The following TLK1 variants were observed in gnomAD, a reference collection of about 807,000 sequenced individuals.
TLK1 encodes serine/threonine-protein kinase tousled-like 1.
Under a neutral mutation model 105.3 loss-of-function variants are expected in TLK1, and 24 were observed. That is an observed-to-expected ratio of 0.23 (90% CI 0.17 to 0.32). The LOEUF (loss-of-function observed/expected upper bound fraction) is 0.32, where lower values mean the gene tolerates loss of function less well. Among genes scored for constraint, TLK1 ranks in the 10% least tolerant of loss-of-function variants. The pLI is 1.00. For missense variants in TLK1, 558 were observed against 910.5 expected (o/e 0.61, Z 4.98); for synonymous variants, 321 against 310.4 (o/e 1.03, Z -0.36).
chr2:171,052,732 A>C (rs1687301912), intron 8 of TLK1, among the ~76,000 whole-genome samples: 2 of 152,236 alleles, frequency 1.3e-5, no homozygotes, highest in African/African-American at 2.4e-5. Context: ...CAAAATTTAA[A>C]ATAGTGGTTA....
Position 171,160,208 on chromosome 2 carries a change from C to A in TLK1, c.139+82G>T, listed in dbSNP as rs941680329. 3.8e-4 allele frequency: 424 copies of A among 1,123,956 alleles called. 8 individuals are homozygous for A. The Middle Eastern group carries it at 5.0e-3, about 13-fold the overall frequency. 69.6% of individuals were successfully genotyped at this position (1,123,956 alleles called of 1,614,324 possible). ...AGGGTCTGGCGGAGAAGCCCCGGGGCGGGGGGGGCGGGGGGGGGGCGCGGG... is the reference window on the plus strand; with the variant it reads ...AGGGTCTGGCGGAGAAGCCCCGGGGAGGGGGGGGCGGGGGGGGGGCGCGGG... On this transcript the variant is annotated intron_variant, in intron 1 of 20. Coordinates refer to ENST00000431350, the MANE Select transcript of TLK1 (RefSeq NM_012290.5). This position sits in a 1 kb window ranked among gnomAD's most constrained non-coding sequence, Gnocchi z 4.4.
chr2:171,150,112 A>T (rs1405192874), intron 1 of TLK1, among the ~76,000 whole-genome samples: 1 of 152,210 alleles, frequency 6.6e-6, no homozygotes, highest in Admixed American at 6.5e-5. Flanking sequence ...AGCCCAGTAC[A>T]GTATTTCTAA....
chr2:171,130,941 A>G (rs1165679047), intron 1 of TLK1, among the ~76,000 whole-genome samples: 1 of 152,188 alleles, frequency 6.6e-6, no homozygotes, highest in Non-Finnish European at 1.5e-5. Flanking sequence ...GGTCCTCTAG[A>G]AAGACATATT....
At chr2:171,177,322 T>G (rs1692848587) in intron 1 of TLK1, among the ~76,000 whole-genome samples, 1 of 151,784 alleles carries the variant, frequency 6.6e-6, no homozygotes, top group Admixed American at 6.6e-5. Flanking sequence ...TTAAATTTTT[T>G]GTAGAGATGG....
chr2:171,160,115 G>A lies in TLK1; in HGVS notation c.139+175C>T, dbSNP rs1692404518. ...ACCCGCGAACCACCATCCACAGCCA[G>A]GGCACTACCTCCCCAGAGCCGGGGA... On this transcript the variant is annotated intron_variant, in intron 1 of 20. Transcript: ENST00000431350. The surrounding 1 kb of genome is among the most constrained non-coding windows in gnomAD (Gnocchi z 4.4). Among the ~76,000 whole-genome samples, 1 of 151,724 alleles carries A rather than the reference G, an allele frequency of 6.6e-6. No homozygotes were observed. The highest frequency in any genetic ancestry group is 6.5e-5 in the Admixed American group (1 of 15,274).
At chr2:171,065,470 T>C (rs928669940) in intron 3 of TLK1, among the ~76,000 whole-genome samples, 22 of 152,136 alleles carry the variant, frequency 1.4e-4, no homozygotes, top group Admixed American at 1.0e-3. Context: ...CCTGACAGAA[T>C]GAATTTTTTT....
At chr2:171,122,246 G>A (rs1034822513) in intron 1 of TLK1, among the ~76,000 whole-genome samples, 2 of 152,130 alleles carry the variant, frequency 1.3e-5, no homozygotes, top group Non-Finnish European at 2.9e-5. Context: ...TTACAGGCGT[G>A]AGCCACCGCA....
chr2:171,015,415 A>AACAC lies in TLK1; in HGVS notation c.1237-471_1237-468dup, dbSNP rs56238853. On this transcript the variant is annotated intron_variant, in intron 12 of 20. Transcript: ENST00000431350. ...TACGCCTTACAGCATTTGGAGTACA[A>AACAC]ACACACACACACACACACACACACA... is the stretch of plus-strand genomic sequence containing the variant. Among the ~76,000 whole-genome samples, 1,068 of 132,664 alleles carry AACAC rather than the reference A, an allele frequency of 8.1e-3. 11 individuals are homozygous for AACAC. The highest frequency in any genetic ancestry group is 0.022 in the African/African-American group (739 of 34,290). The allele number at this position is 132,664 out of a possible 152,430, so 87.0% of individuals were successfully genotyped here.
At chr2:171,151,675 C>T (rs1216013769) in intron 1 of TLK1, among the ~76,000 whole-genome samples, 1 of 151,426 alleles carries the variant, frequency 6.6e-6, no homozygotes, top group Non-Finnish European at 1.5e-5. Flanking sequence ...CAGGGTTTCA[C>T]CGTGTTAGCC....
chr2:171,132,747 TC>T (rs1015448791), intron 1 of TLK1, among the ~76,000 whole-genome samples: 2 of 152,078 alleles, frequency 1.3e-5, no homozygotes, highest in Admixed American at 6.6e-5. Flanking sequence ...GGTGGGGTGA[TC>T]CCAACTACTC....
At position 171,205,257 on chromosome 2, in the gene TLK1, T is replaced by C. The variant is rs150240577; in HGVS notation, c.-6+25888A>G. Among the ~76,000 whole-genome samples, 25 of 151,960 alleles carry C rather than the reference T, an allele frequency of 1.6e-4. No homozygotes were observed. In the East Asian group the frequency reaches 4.8e-3, roughly 29 times the overall value. On this transcript the variant is annotated intron_variant, in intron 1 of 20. Transcript: ENST00000521943. The stretch of plus-strand genomic sequence containing the variant: ...TCATTCATAGGTGTTCCATCTATCG[T>C]CTATTAAATATATGACAGTTAAATT...
chr2:171,082,473 C>T (rs781273098), intron 3 of TLK1, among the ~76,000 whole-genome samples: 1 of 152,170 alleles, frequency 6.6e-6, no homozygotes, highest in Non-Finnish European at 1.5e-5. Context: ...GGAAACCCAA[C>T]ATACTTAAGA....
intron 1 of TLK1, among the ~76,000 whole-genome samples, chr2:171,180,629 T>C (rs920566647): frequency 4.6e-5 from 7 of 152,186 alleles, no homozygotes; most frequent in South Asian, 2.1e-4. Flanking sequence ...GTAGTTTGTA[T>C]TTGCTCTGTG....
At chr2:171,053,917 T>G in intron 7 of TLK1, 64 bp from the exon 8 acceptor site, 1 of 1,169,364 alleles carries the variant, frequency 8.6e-7, no homozygotes, top group Non-Finnish European at 1.2e-6. Context: ...AACATAAAAC[T>G]AGATTTTACT....
At chr2:171,059,109 G>A (rs1043980695) in intron 4 of TLK1, among the ~76,000 whole-genome samples, 6 of 152,118 alleles carry the variant, frequency 3.9e-5, no homozygotes, top group Admixed American at 6.5e-5. Flanking sequence ...AAGTATTCAG[G>A]ACTACCAATG....
chr2:171,073,447 C>T, intron 3 of TLK1, among the ~76,000 whole-genome samples: 1 of 152,080 alleles, frequency 6.6e-6, no homozygotes, highest in Non-Finnish European at 1.5e-5. Flanking sequence ...CAGAATATAT[C>T]AGAATTTCCA....
At chr2:171,180,750 T>C (rs1692913871) in intron 1 of TLK1, among the ~76,000 whole-genome samples, 1 of 152,030 alleles carries the variant, frequency 6.6e-6, no homozygotes, top group South Asian at 2.1e-4. Flanking sequence ...ACATTTTCAG[T>C]CATGTAAATT....
Position 171,219,435 on chromosome 2 carries a change from A to T in TLK1, c.-6+11710T>A, listed in dbSNP as rs116481969. 3.4e-3 allele frequency among the ~76,000 whole-genome samples: 522 copies of T among 152,304 alleles called. 2 individuals carry two copies. Among genetic ancestry groups the T allele is most frequent in the African/African-American group, 0.012 (506 of 41,564 alleles). ...AATACCATAGGCTGGGTGGCTTATAAGCAACAGAAATGTATTTCTCATAGT... is the reference window on the plus strand; with the variant it reads ...AATACCATAGGCTGGGTGGCTTATATGCAACAGAAATGTATTTCTCATAGT... On this transcript the variant is annotated intron_variant, in intron 1 of 20. Transcript: ENST00000521943.
chr2:171,159,982 G>C (rs778988647), intron 1 of TLK1, among the ~76,000 whole-genome samples: 1 of 152,104 alleles, frequency 6.6e-6, no homozygotes, highest in Non-Finnish European at 1.5e-5. Flanking sequence ...CTCGCGTCTG[G>C]GGGGAGGCTT....
Sources: allele counts gnomAD v4.1 joint callset (sites outside exome capture counted in the v4.1 genomes callset), GRCh38; gene constraint gnomAD v4.1.1; non-coding constraint Gnocchi (gnomAD v3.1); transcripts MANE v1.5; gene names NCBI Gene and HGNC (gene_info 2026-07-23, HGNC 2026-07-21).